LARS2: variants seen among roughly 807,000 people sequenced by gnomAD.
The protein encoded by LARS2 is leucyl-tRNA synthetase 2, mitochondrial, also known as leucine--tRNA ligase, mitochondrial.
A neutral mutation model predicts 116.6 loss-of-function variants in LARS2; 81 were observed. The ratio of observed to expected loss-of-function variants is 0.69; its 90% confidence interval spans 0.58 to 0.84. The LOEUF (loss-of-function observed/expected upper bound fraction) is 0.84, where lower values mean the gene tolerates loss of function less well. LARS2 is among the 40% of genes least tolerant of loss of function. The pLI, the probability that LARS2 is intolerant of heterozygous loss-of-function variation, is 0.00. For missense variants in LARS2, 968 were observed against 1,114.5 expected, an observed-to-expected ratio of 0.87 and a Z score of 1.87; for synonymous variants, 396 against 407.2, an observed-to-expected ratio of 0.97 and a Z score of 0.33.
At chr3:45,518,773 C>T (rs114909387) in intron 18 of LARS2, among the ~76,000 whole-genome samples, 1,997 of 152,108 alleles carry the variant, frequency 0.013, 29 homozygotes, top group African/African-American at 0.046. Context: ...TAAAGTTAAT[C>T]AGTGTCGCTC....
intron 20 of LARS2, among the ~76,000 whole-genome samples, chr3:45,529,307 C>T (rs137905020): frequency 0.011 from 1,690 of 152,156 alleles, 28 homozygotes; most frequent in African/African-American, 0.038. Flanking sequence ...TAGCTCACAC[C>T]TGTAATTTCA....
chr3:45,497,299 C>T (rs1356956105), intron 14 of LARS2, among the ~76,000 whole-genome samples: 1 of 150,974 alleles, frequency 6.6e-6, no homozygotes, highest in African/African-American at 2.4e-5. Context: ...AACCCCGCCC[C>T]CCCCAAAAAA....
chr3:45,423,895 C>T (rs558181363), intron 6 of LARS2, among the ~76,000 whole-genome samples: 35 of 152,112 alleles, frequency 2.3e-4, no homozygotes, highest in Non-Finnish European at 3.5e-4. Flanking sequence ...CATTCATTAT[C>T]TTTTTTCTTT....
chr3:45,444,559 T>G (rs62244125), intron 6 of LARS2, among the ~76,000 whole-genome samples: 93,282 of 135,146 alleles, frequency 0.69, 34,174 homozygotes, highest in East Asian at 0.88. Context: ...AGCTACTTGG[T>G]AGGCTGAGGC....
chr3:45,439,508 C>G (rs895737671), intron 6 of LARS2, among the ~76,000 whole-genome samples: 1 of 152,076 alleles, frequency 6.6e-6, no homozygotes, highest in Middle Eastern at 3.4e-3. Flanking sequence ...TGTGAGCCAG[C>G]GCGCCCAGCC....
chr3:45,489,218 A>G (rs1209851146), intron 12 of LARS2, among the ~76,000 whole-genome samples: 2 of 152,224 alleles, frequency 1.3e-5, no homozygotes, highest in African/African-American at 2.4e-5. Context: ...GTTCAGAGTC[A>G]TGTTTATTTG....
At chr3:45,514,357 G>A (rs1224764883) in intron 16 of LARS2, among the ~76,000 whole-genome samples, 1 of 152,176 alleles carries the variant, frequency 6.6e-6, no homozygotes, top group Non-Finnish European at 1.5e-5. Context: ...TAAATGGTAG[G>A]CAGCCTCTCC....
intron 5 of LARS2, among the ~76,000 whole-genome samples, chr3:45,418,448 A>G (rs1698464629): frequency 6.6e-6 from 1 of 152,166 alleles, no homozygotes; most frequent in Non-Finnish European, 1.5e-5. Flanking sequence ...TTTTATCACT[A>G]GATTTTATCT....
Position 45,500,502 on chromosome 3 carries a change from A to G in LARS2, c.1683A>G (p.Lys561=). 2 of 1,601,612 alleles carry G rather than the reference A, an allele frequency of 1.2e-6. No homozygotes were observed. ...CTGTGGATTTGTACATTGGAGGGAA[A>G]GAACATGCCGTCATGCACTTGTTCT... ...WMPVDLYIGG[K]EHAVMHLFYA... The change falls in exon 15 of 22, where the codon AAA becomes AAG. Residue 561 remains lysine, a synonymous_variant. Coordinates refer to ENST00000645846, the MANE Select transcript of LARS2 (RefSeq NM_015340.4).
chr3:45,470,642 A>G (rs552851131), intron 8 of LARS2, among the ~76,000 whole-genome samples: 1 of 152,248 alleles, frequency 6.6e-6, no homozygotes, highest in African/African-American at 2.4e-5. Context: ...ATAATTCATT[A>G]TCTTGGATCT....
In LARS2 at chr3:45,507,802, G is replaced by T. The variant is rs542358053; in HGVS notation, c.1761-5333G>T. On this transcript the variant is annotated intron_variant, in intron 15 of 21. Coordinates refer to ENST00000645846, the MANE Select transcript of LARS2 (RefSeq NM_015340.4). ...TGTTAACACTAGCTATCTCTGGGTG[G>T]TGAGCCCAATATACTTCTGATTTTT... is the stretch of plus-strand genomic sequence containing the variant. 2.0e-5 allele frequency among the ~76,000 whole-genome samples: 3 copies of T among 152,100 alleles called. No homozygotes were observed. In the South Asian group the frequency reaches 6.2e-4, roughly 32 times the overall value.
At chr3:45,490,211 G>A (rs1165404303) in intron 12 of LARS2, among the ~76,000 whole-genome samples, 1 of 152,106 alleles carries the variant, frequency 6.6e-6, no homozygotes, top group Non-Finnish European at 1.5e-5. Context: ...AGAGCAGAGC[G>A]AAATCACAGT....
intron 3 of LARS2, among the ~76,000 whole-genome samples, chr3:45,396,993 G>A (rs1425715878): frequency 6.6e-6 from 1 of 152,208 alleles, no homozygotes; most frequent in African/African-American, 2.4e-5. Flanking sequence ...GATTCCTATT[G>A]AGGTGCTCCT....
At chr3:45,468,585 T>C (rs1699473272) in intron 8 of LARS2, among the ~76,000 whole-genome samples, 1 of 152,188 alleles carries the variant, frequency 6.6e-6, no homozygotes, top group African/African-American at 2.4e-5. Context: ...AGTTTGGCCT[T>C]CATCGTCTGC....
intron 6 of LARS2, among the ~76,000 whole-genome samples, chr3:45,425,778 TCTTG>T (rs760351631): frequency 5.9e-5 from 9 of 152,246 alleles, no homozygotes; most frequent in Non-Finnish European, 7.3e-5. Flanking sequence ...CTCTTGTCTG[TCTTG>T]CTTGCTTGCT....
intron 6 of LARS2, among the ~76,000 whole-genome samples, chr3:45,435,999 ACT>A (rs935244494): frequency 2.0e-5 from 3 of 151,560 alleles, no homozygotes; most frequent in African/African-American, 7.3e-5. Context: ...AAATCACTGG[ACT>A]CTCAAAATGA....
At chr3:45,482,782 C>T (rs932845383) in intron 10 of LARS2, among the ~76,000 whole-genome samples, 7 of 152,192 alleles carry the variant, frequency 4.6e-5, no homozygotes, top group Non-Finnish European at 1.0e-4. Flanking sequence ...GGAGTTTATT[C>T]TACCTACATG....
chr3:45,416,322 T>TG (rs1039155092), intron 4 of LARS2, among the ~76,000 whole-genome samples: 1 of 150,608 alleles, frequency 6.6e-6, no homozygotes, highest in African/African-American at 2.4e-5. Flanking sequence ...AGGAGAGTAT[T>TG]GCCTCAATCA....
rs762760775 is a variant in LARS2 at position 45,476,645 on chromosome 3, C to T, written c.1018+18C>T. 43 of 1,613,354 alleles carry T rather than the reference C, an allele frequency of 2.7e-5. 1 individual carries two copies. The African/African-American group carries it at 2.9e-4, about 11-fold the overall frequency. ...TGGCAAAGGTGAGCTGGCAAGTTAA[C>T]GGCTCAGGTGGTAGGATTGCTACCT... On this transcript the variant is annotated intron_variant, in intron 10 of 21. Transcript: ENST00000645846.
Sources: gnomAD v4.1 joint callset for allele counts (sites outside exome capture counted in the v4.1 genomes callset) on GRCh38, gnomAD v4.1.1 for gene constraint, MANE v1.5 for transcripts, NCBI Gene and HGNC (gene_info 2026-07-23, HGNC 2026-07-21) for gene names.